Variants in VWA3A observed in about 807,000 individuals in gnomAD.
VWA3A encodes the protein von Willebrand factor A domain containing 3A, also known as von Willebrand factor A domain-containing protein 3A.
In VWA3A, 134 loss-of-function variants were observed where a neutral mutation model predicts 160.4. The observed-to-expected ratio is 0.84, with a 90% CI of 0.73 to 0.96. VWA3A has a LOEUF of 0.96. Ranked by LOEUF, VWA3A falls within the 40% of genes least tolerant of loss-of-function variation. VWA3A has a pLI of 0.00. For synonymous variants in VWA3A, 476 were observed against 543.4 expected, an observed-to-expected ratio of 0.88 and a Z score of 1.72; for missense variants, 1,310 against 1,447.9, an observed-to-expected ratio of 0.90 and a Z score of 1.55.
chr16:22,139,676 C>A (rs2046107834), intron 22 of VWA3A, among the ~76,000 whole-genome samples: 1 of 152,112 alleles, frequency 6.6e-6, no homozygotes, highest in African/African-American at 2.4e-5. Context: ...GCCTGGGTGA[C>A]AGAGCCAGAC....
At chr16:22,143,467 C>G (rs1286560869) in intron 25 of VWA3A, among the ~76,000 whole-genome samples, 7 of 152,164 alleles carry the variant, frequency 4.6e-5, no homozygotes, top group Non-Finnish European at 1.0e-4. Context: ...ATGGCAGATG[C>G]CATCCCTGGC....
At chr16:22,113,041 T>A (rs921923995) in intron 8 of VWA3A, among the ~76,000 whole-genome samples, 2 of 152,222 alleles carry the variant, frequency 1.3e-5, no homozygotes, top group Non-Finnish European at 2.9e-5. Context: ...CCACTTTAGG[T>A]GGAGCAGTGA....
At position 22,100,427 on chromosome 16, in the gene VWA3A, C is replaced by G. The variant is rs1345563381; in HGVS notation, c.362C>G (p.Thr121Ser). The G allele has an allele frequency of 2.7e-5, 42 of 1,551,492 alleles. No individual in the cohort carries two copies. The highest frequency in any genetic ancestry group is 3.5e-5 in the Non-Finnish European group (40 of 1,147,016). ...SQGTEVLEEG[T>S]NVVQKICFST... ...CTTTGCTTCTTCAGGGAGGAGGGCACCAATGTCGTGCAGAAAATATGTTTC... is the reference window on the plus strand; with the variant it reads ...CTTTGCTTCTTCAGGGAGGAGGGCAGCAATGTCGTGCAGAAAATATGTTTC... The change falls in exon 5 of 34, where the codon ACC (threonine) becomes AGC (serine). Residue 121 changes from threonine (T) to serine (S), a missense_variant. Thr to Ser is a moderately conservative substitution (Grantham distance 58). Coordinates refer to ENST00000389398, the MANE Select transcript of VWA3A (RefSeq NM_173615.5).
Position 22,097,503 on chromosome 16 carries a change from G to A in VWA3A, c.102-69G>A, listed in dbSNP as rs927546880. On this transcript the variant is annotated intron_variant, in intron 2 of 33. Coordinates refer to ENST00000389398, the MANE Select transcript of VWA3A (RefSeq NM_173615.5). ...CCTTGTAGGGACTAGGGCAAAGAGA[G>A]GAGGCACTGGGGGTATCAAACCTAT... 7.2e-6 allele frequency: 11 copies of A among 1,530,424 alleles called. No homozygotes were observed. In the East Asian group the frequency reaches 2.7e-4, roughly 38 times the overall value. The allele number at this position is 1,530,424 out of a possible 1,614,324, so 94.8% of individuals were successfully genotyped here. A position where few individuals can be genotyped will look rare whatever the true frequency, so the allele number is the denominator to read the frequency against.
chr16:22,133,794 C>T (rs2045991456), intron 20 of VWA3A, among the ~76,000 whole-genome samples: 1 of 151,730 alleles, frequency 6.6e-6, no homozygotes, highest in Non-Finnish European at 1.5e-5. Context: ...CCATCCTGGG[C>T]AACATAGCAA....
chr16:22,121,840 C>A (rs1452371554), intron 14 of VWA3A, among the ~76,000 whole-genome samples: 1 of 152,148 alleles, frequency 6.6e-6, no homozygotes, highest in Non-Finnish European at 1.5e-5. Context: ...CCACGGTCAC[C>A]TCCTCCATGA....
intron 3 of VWA3A, among the ~76,000 whole-genome samples, chr16:22,099,734 G>A (rs967268729): frequency 6.6e-6 from 1 of 152,060 alleles, no homozygotes; most frequent in African/African-American, 2.4e-5. Flanking sequence ...TGATCACACC[G>A]CTGCACTCCA....
chr16:22,107,573 C>A (rs1304918574), intron 6 of VWA3A, among the ~76,000 whole-genome samples: 1 of 151,990 alleles, frequency 6.6e-6, no homozygotes, highest in Non-Finnish European at 1.5e-5. Context: ...AAGACCCTAT[C>A]TCTACAAAAA....
At chr16:22,154,323 C>CTTTTTTTTTTTTTTTTTTTTTTTTT in intron 31 of VWA3A, among the ~76,000 whole-genome samples, 1 of 73,904 alleles carries the variant, frequency 1.4e-5, no homozygotes, top group Non-Finnish European at 2.3e-5. Context: ...TTTTCTTTTT[C>CTTTTTTTTTTTTTTTTTTTTTTTTT]TTTTTTTTTT....
chr16:22,115,883 AAGG>A lies in VWA3A; in HGVS notation c.815+413_815+415del, dbSNP rs1598059945. Among the ~76,000 whole-genome samples, 29 of 28,552 alleles carry A rather than the reference AAGG, an allele frequency of 1.0e-3. No homozygotes were observed. In the East Asian group the frequency reaches 0.028, roughly 27 times the overall value. The allele number at this position is 28,552 out of a possible 152,430, so 18.7% of individuals were successfully genotyped here. A position where few individuals can be genotyped will look rare whatever the true frequency, so the allele number is the denominator to read the frequency against. On this transcript the variant is annotated intron_variant, in intron 9 of 33. Transcript: ENST00000389398. ...GAAGGAAGGAAGGAAGGAAGGAAGG[AAGG>A]AAGGAAGGAAGGAAGGAAGGAAGGA...
intron 13 of VWA3A, 40 bp from the exon 14 acceptor site, chr16:22,121,474 C>A: frequency 2.7e-6 from 4 of 1,498,246 alleles, no homozygotes; most frequent in South Asian, 1.1e-5. Flanking sequence ...CCCTTTGGAG[C>A]TTCTCAGGCA....
intron 16 of VWA3A, 39 bp downstream of exon 16, chr16:22,123,746 T>G: frequency 6.4e-7 from 1 of 1,565,610 alleles, no homozygotes; most frequent in Non-Finnish European, 8.7e-7. Context: ...TTCATGGGTC[T>G]GGTGTGTGAC....
chr16:22,136,874 T>C (rs1037904225), intron 21 of VWA3A, among the ~76,000 whole-genome samples: 4 of 134,494 alleles, frequency 3.0e-5, no homozygotes, highest in African/African-American at 9.4e-5. Context: ...CTACTAAAAA[T>C]ACACACACAC....
intron 14 of VWA3A, among the ~76,000 whole-genome samples, chr16:22,122,157 GTAAATGGATGAATGGATGGATGA>G (rs2045748089): frequency 1.1e-5 from 1 of 91,132 alleles, no homozygotes; most frequent in Non-Finnish European, 2.1e-5. Context: ...GGATGGATAG[GTAAATGGATGAATGGATGGATGA>G]GTGGATGGAT....
chr16:22,140,914 A>G (rs9928384), intron 23 of VWA3A, among the ~76,000 whole-genome samples: 8,901 of 152,132 alleles, frequency 0.059, 853 homozygotes, highest in African/African-American at 0.2. Flanking sequence ...GCCTGGCCAC[A>G]TCTCTTAAAA....
Position 22,149,504 on chromosome 16 carries a change from C to CAAAG in VWA3A, c.2985-282_2985-279dup, listed in dbSNP as rs1485234009. On this transcript the variant is annotated intron_variant, in intron 28 of 33. Transcript: ENST00000389398. ...AAGCAATCCTCCCAGCTTGGCCTTC[C>CAAAG]AAAGTACTGGGATTACAGGCACAGG... is the stretch of plus-strand genomic sequence containing the variant. Among the ~76,000 whole-genome samples the CAAAG allele has an allele frequency of 2.6e-5, 4 of 152,268 alleles. No individual in the cohort carries two copies. In the East Asian group the frequency reaches 7.7e-4, roughly 29 times the overall value.
At chr16:22,131,768 G>T in intron 19 of VWA3A, 39 bp downstream of exon 19, 1 of 1,585,128 alleles carries the variant, frequency 6.3e-7, no homozygotes, top group South Asian at 1.2e-5. Flanking sequence ...TATCCTTTGC[G>T]ACCTCATCCG....
At chr16:22,151,386 A>G (rs2046345965) in intron 30 of VWA3A, among the ~76,000 whole-genome samples, 1 of 152,162 alleles carries the variant, frequency 6.6e-6, no homozygotes. Context: ...TTACCCAGAT[A>G]TTTCCCTCTG....
chr16:22,102,569 T>G (rs998226745), intron 5 of VWA3A, among the ~76,000 whole-genome samples: 2 of 152,138 alleles, frequency 1.3e-5, no homozygotes, highest in African/African-American at 4.8e-5. Flanking sequence ...ATATGATATA[T>G]GCTAGTCTTC....
Sources: allele counts gnomAD v4.1 joint callset (sites outside exome capture counted in the v4.1 genomes callset), GRCh38; gene constraint gnomAD v4.1.1; transcripts MANE v1.5; gene names NCBI Gene and HGNC (gene_info 2026-07-23, HGNC 2026-07-21).